The following UBR4 variants were observed in gnomAD, a reference collection of about 807,000 sequenced individuals.
UBR4 encodes the protein ubiquitin protein ligase E3 component n-recognin 4.
In UBR4, 124 loss-of-function variants were observed where a neutral mutation model predicts 575.6. The ratio of observed to expected loss-of-function variants is 0.22; its 90% CI spans 0.19 to 0.25. The LOEUF (loss-of-function observed/expected upper bound fraction) is 0.25. Among genes scored for constraint, UBR4 ranks in the 10% least tolerant of loss-of-function variants. The pLI is 1.00. For synonymous variants in UBR4, 2,455 were observed against 2,473.7 expected (o/e 0.99, Z 0.22); for missense variants, 4,818 against 6,478.8 (o/e 0.74, Z 8.80).
chr1:19,099,666 G>A lies in UBR4; in HGVS notation c.13233C>T (p.Asn4411=), dbSNP rs2149032141. The A allele has an allele frequency of 6.2e-7, 1 of 1,613,706 alleles. No individual in the cohort carries two copies. The highest frequency in any genetic ancestry group is 2.2e-5 in the East Asian group (1 of 44,882). ...EDDSGMELLV[N]NKIISLDLPV... is the part of the protein sequence containing the mutation. ...GAAGGTCCAAACTAATGATTTTATT[G>A]TTCACTAGAAGCTGAACAGAAAAGC... The change falls in exon 90 of 106, where the codon AAC becomes AAT. Residue 4411 remains asparagine, a synonymous_variant. Transcript: ENST00000375254.
At position 19,198,681 on chromosome 1, in the gene UBR4, C is replaced by A; in HGVS notation, c.509-1G>T. 1.2e-6 allele frequency: 2 copies of A among 1,613,838 alleles called. No individual in the cohort carries two copies. The highest frequency in any genetic ancestry group is 1.7e-6 in the Non-Finnish European group (2 of 1,179,834). On this transcript the variant is annotated splice_acceptor_variant, in intron 4 of 105. Transcript: ENST00000375254. LOFTEE classifies it high-confidence loss of function. ...GAGGCCAGCTCTTTCTGATCTTCCA[C>A]TGTAAAATACAAAGGCAAAAAAAAG... is the stretch of plus-strand genomic sequence containing the variant.
Position 19,152,155 on chromosome 1 carries a change from A to T in UBR4, c.6996+158T>A, listed in dbSNP as rs1214992050. ...GTACAAGTCCTTTGCCAAGTGAGTAAGAATATCCATTTTTCTAAGGAACCA... is the reference window on the plus strand; with the variant it reads ...GTACAAGTCCTTTGCCAAGTGAGTATGAATATCCATTTTTCTAAGGAACCA... On this transcript the variant is annotated intron_variant, in intron 47 of 105. Transcript: ENST00000375254. This position sits in a 1 kb window ranked among gnomAD's most constrained non-coding sequence, Gnocchi z 4.4. 6.6e-6 allele frequency among the ~76,000 whole-genome samples: 1 copy of T among 152,218 alleles called. No individual in the cohort carries two copies. The highest frequency in any genetic ancestry group is 1.5e-5 in the Non-Finnish European group (1 of 68,040).
chr1:19,161,009 T>C lies in UBR4; in HGVS notation c.5314A>G (p.Ile1772Val). Residue 1772 changes from isoleucine (I) to valine (V), a missense_variant, in exon 38 of 106, where the codon ATC becomes GTC. Around this residue, in one of 29 missense-constraint regions of UBR4, gnomAD observed 159 missense variants for 174.6 expected, o/e 0.91. Transcript: ENST00000375254. ...TCGTCAGCAACCTTTCCATCACTGA[T>C]GGTAACCTTGGCTTTGTCAGCTGGC... ...SSPADKAKVTISDGKVADEEK... is the reference protein window; with the variant it reads ...SSPADKAKVTVSDGKVADEEK... The C allele has an allele frequency of 6.2e-7, 1 of 1,614,152 alleles. No homozygotes were observed. The highest frequency in any genetic ancestry group is 8.5e-7 in the Non-Finnish European group (1 of 1,180,014).
At chr1:19,087,750 G>T in intron 99 of UBR4, 66 bp downstream of exon 99, 1 of 1,327,562 alleles carries the variant, frequency 7.5e-7, no homozygotes, top group Non-Finnish European at 1.1e-6. Flanking sequence ...TGGAGGAGGG[G>T]GATGCTACCT....
rs1345797326 is a variant in UBR4, at chr1:19,210,092, C to A, written c.157G>T (p.Val53Leu). The change falls in exon 1 of 106, where the codon GTG becomes TTG. Residue 53 changes from valine to leucine, a missense_variant. Val to Leu is a conservative substitution (Grantham distance 32). This residue lies in a region of UBR4 where 95 missense variants were observed against 87.7 expected (regional missense o/e 1.08). Coordinates refer to ENST00000375254, the MANE Select transcript of UBR4 (RefSeq NM_020765.3). ...CGGTACCTCTCGATGACTGAGGCCA[C>A]CAGCTGCGGCAACTCCTTCATCTCG... is the stretch of plus-strand genomic sequence containing the variant. ...AFEMKELPQL[V>L]ASVIESESEI... 1 of 1,575,918 alleles carries A rather than the reference C, an allele frequency of 6.3e-7. No individual in the cohort carries two copies. The highest frequency in any genetic ancestry group is 2.4e-5 in the East Asian group (1 of 40,862).
intron 28 of UBR4, 59 bp from the exon 29 acceptor site, chr1:19,167,290 C>A: frequency 6.3e-7 from 1 of 1,587,638 alleles, no homozygotes; most frequent in Non-Finnish European, 8.6e-7. Flanking sequence ...AGCTGCAAAG[C>A]AAGGACAGGG....
In UBR4 at chr1:19,100,211, G is replaced by T; in HGVS notation, c.13221+165C>A. ...TACAGGTTATTAACCTTAGCACTAG[G>T]TGAGGTAGAAAGGTGGGAATCATTA... On this transcript the variant is annotated intron_variant, in intron 89 of 105. Coordinates refer to ENST00000375254, the MANE Select transcript of UBR4 (RefSeq NM_020765.3). The surrounding 1 kb of genome is among the most constrained non-coding windows in gnomAD (Gnocchi z 4.2). The T allele has an allele frequency of 1.5e-6, 1 of 685,796 alleles. No homozygotes were observed. The highest frequency in any genetic ancestry group is 2.5e-6 in the Non-Finnish European group (1 of 401,770). The allele number at this position is 685,796 out of a possible 1,614,324, so 42.5% of individuals were successfully genotyped here.
rs144843681 is a variant in UBR4, at chr1:19,173,007, G to A, written c.3378C>T (p.Ala1126=). Residue 1126 remains alanine, a synonymous_variant, in exon 25 of 106, where the codon GCC becomes GCT. Transcript: ENST00000375254. ...AAGAGACCTGGACCTTTGAGATCGC[G>A]GCATCAAGGGTGTAGATGGACTGCA... ...PSLQSIYTLD[A]AISKVQVSLD... is the part of the protein sequence containing the mutation. 903 of 1,614,164 alleles carry A rather than the reference G, an allele frequency of 5.6e-4. 3 individuals are homozygous for A. Among genetic ancestry groups the A allele is most frequent in the Admixed American group, 3.3e-3 (197 of 60,022 alleles).
intron 71 of UBR4, chr1:19,118,607 A>T: frequency 2.6e-6 from 1 of 386,258 alleles, no homozygotes; most frequent in Non-Finnish European, 4.6e-6. Flanking sequence ...ATTTTTTTTT[A>T]AGAGATGAAG....
rs745884561 is a variant in UBR4, at chr1:19,084,482, C to T, written c.15008+22G>A. Reference sequence around the variant, plus strand: ...GCAGGGTGGGTCTGCGAGATGCCGCCCCTGGGACACAGGGTACTGACGTGT... The same window carrying T: ...GCAGGGTGGGTCTGCGAGATGCCGCTCCTGGGACACAGGGTACTGACGTGT... On this transcript the variant is annotated intron_variant, in intron 102 of 105. Transcript: ENST00000375254. 8 of 1,582,236 alleles carry T rather than the reference C, an allele frequency of 5.1e-6. No homozygotes were observed. In the Admixed American group the frequency reaches 1.4e-4, roughly 27 times the overall value.
In UBR4 at chr1:19,089,104, G is replaced by C. The variant is rs1039978802; in HGVS notation, c.14212-127C>G. Reference sequence around the variant, plus strand: ...CATGTCACCTGCTCAGCTGCAATCAGGTCCTTTGATTCCACACTTTGACAG... The same window carrying C: ...CATGTCACCTGCTCAGCTGCAATCACGTCCTTTGATTCCACACTTTGACAG... On this transcript the variant is annotated intron_variant, in intron 97 of 105. Coordinates refer to ENST00000375254, the MANE Select transcript of UBR4 (RefSeq NM_020765.3). The surrounding 1 kb of genome is among the most constrained non-coding windows in gnomAD (Gnocchi z 4.3). The C allele has an allele frequency of 1.1e-6, 1 of 930,396 alleles. No individual in the cohort carries two copies. The highest frequency in any genetic ancestry group is 1.6e-6 in the Non-Finnish European group (1 of 620,380). The allele number at this position is 930,396 out of a possible 1,614,324, so 57.6% of individuals were successfully genotyped here.
intron 101 of UBR4, 60 bp downstream of exon 101, chr1:19,086,085 G>A: frequency 1.9e-6 from 3 of 1,592,944 alleles, no homozygotes; most frequent in South Asian, 1.1e-5. Context: ...CTGATAGCGG[G>A]TCTTGTCCCA....
intron 60 of UBR4, among the ~76,000 whole-genome samples, 168 bp from the exon 61 acceptor site, chr1:19,129,242 T>C (rs2082157771): frequency 6.6e-6 from 1 of 151,914 alleles, no homozygotes; most frequent in Admixed American, 6.6e-5. Context: ...CTAATCGGTA[T>C]GCCAGTCAGC....
At chr1:19,119,390 T>A (rs1156520024) in intron 70 of UBR4, among the ~76,000 whole-genome samples, 167 bp downstream of exon 70, 1 of 152,184 alleles carries the variant, frequency 6.6e-6, no homozygotes, top group Non-Finnish European at 1.5e-5. Context: ...ACTGTCTACA[T>A]CACAGACATA....
In UBR4 at chr1:19,093,010, G is replaced by T. The variant is rs1570360156; in HGVS notation, c.14112-92C>A. 8.4e-7 allele frequency: 1 copy of T among 1,184,592 alleles called. No homozygotes were observed. Among genetic ancestry groups the T allele is most frequent in the Non-Finnish European group, 1.2e-6 (1 of 821,176 alleles). 73.4% of individuals were successfully genotyped at this position (1,184,592 alleles called of 1,614,324 possible). On this transcript the variant is annotated intron_variant, in intron 96 of 105. Transcript: ENST00000375254. The surrounding 1 kb of genome is among the most constrained non-coding windows in gnomAD (Gnocchi z 4.8). ...ACTCTGGCTTGTTTAAACCCCCAGG[G>T]CATGATTAACCGTGACCCTCTCCGA...
rs2150410561 is a variant in UBR4, at chr1:19,157,306, T to TG, written c.5761-382dup. On this transcript the variant is annotated intron_variant, in intron 40 of 105. Coordinates refer to ENST00000375254, the MANE Select transcript of UBR4 (RefSeq NM_020765.3). This position sits in a 1 kb window ranked among gnomAD's most constrained non-coding sequence, Gnocchi z 4.4. The stretch of plus-strand genomic sequence containing the variant: ...AAAGTTAAAACAACATTAGTGGTGA[T>TG]GGAGAGGCCAGAATACAGAAAAGTG... Among the ~76,000 whole-genome samples, 1 of 152,360 alleles carries TG rather than the reference T, an allele frequency of 6.6e-6. No homozygotes were observed. The highest frequency in any genetic ancestry group is 1.9e-4 in the East Asian group (1 of 5,182).
intron 89 of UBR4, among the ~76,000 whole-genome samples, 197 bp from the exon 90 acceptor site, chr1:19,099,874 A>G (rs1015098072): frequency 6.6e-6 from 1 of 152,190 alleles, no homozygotes; most frequent in Non-Finnish European, 1.5e-5. Context: ...AGGGGCTGCT[A>G]ACGTCCCTAA....
intron 9 of UBR4, 94 bp downstream of exon 9, chr1:19,193,339 T>C: frequency 1.3e-6 from 2 of 1,528,538 alleles, no homozygotes; most frequent in South Asian, 2.5e-5. Context: ...GAGAATACTC[T>C]AAGTTCTTTC....
At chr1:19,095,070 C>A in intron 93 of UBR4, 45 bp from the exon 94 acceptor site, 1 of 1,613,576 alleles carries the variant, frequency 6.2e-7, no homozygotes, top group East Asian at 2.2e-5. Context: ...AAGACCACAG[C>A]CACTAACTGC....
Sources: allele counts gnomAD v4.1 joint callset (sites outside exome capture counted in the v4.1 genomes callset), GRCh38; gene constraint gnomAD v4.1.1; regional missense constraint gnomAD v4.1.1; non-coding constraint Gnocchi (gnomAD v3.1); transcripts MANE v1.5; gene names NCBI Gene and HGNC (gene_info 2026-07-23, HGNC 2026-07-21).